ANKFN1: variants seen among roughly 807,000 people sequenced by gnomAD.
ANKFN1 encodes the protein ankyrin repeat and fibronectin type-III domain-containing protein 1.
Under a neutral mutation model 108.7 loss-of-function variants are expected in ANKFN1, and 74 were observed. That is an observed-to-expected ratio of 0.68 (90% CI 0.56 to 0.83). The LOEUF is 0.83. Among genes scored for constraint, ANKFN1 ranks in the 40% least tolerant of loss-of-function variants. The probability of loss-of-function intolerance (pLI) is 0.00; values close to 1 mark genes in which losing one functional copy is unlikely to be tolerated. For missense variants in ANKFN1, 1,505 were observed against 1,382.3 expected (o/e 1.09, Z -1.41); for synonymous variants, 547 against 516.2 (o/e 1.06, Z -0.81).
chr17:56,495,180 C>T (rs2051160492), intron 19 of ANKFN1, among the ~76,000 whole-genome samples: 1 of 152,158 alleles, frequency 6.6e-6, no homozygotes, highest in Non-Finnish European at 1.5e-5. Flanking sequence ...AATATAACTT[C>T]TTGGTCTGGG....
intron 1 of ANKFN1, among the ~76,000 whole-genome samples, chr17:56,202,501 C>T (rs1914150276): frequency 6.6e-6 from 1 of 152,134 alleles, no homozygotes; most frequent in Non-Finnish European, 1.5e-5. Flanking sequence ...CCAGTCTGCC[C>T]CTACTCTCCT....
At chr17:56,345,397 G>A (rs2046070510) in intron 4 of ANKFN1, among the ~76,000 whole-genome samples, 1 of 152,002 alleles carries the variant, frequency 6.6e-6, no homozygotes, top group South Asian at 2.1e-4. Flanking sequence ...TAATCCTTTG[G>A]GTATATATCC....
chr17:56,196,187 T>A (rs554777929), intron 1 of ANKFN1, among the ~76,000 whole-genome samples: 4 of 151,840 alleles, frequency 2.6e-5, no homozygotes, highest in Admixed American at 6.6e-5. Context: ...GCCCAAGAGG[T>A]TGAGGCTGCA....
intron 4 of ANKFN1, among the ~76,000 whole-genome samples, chr17:56,333,162 A>G (rs568431922): frequency 6.6e-6 from 1 of 152,016 alleles, no homozygotes; most frequent in East Asian, 1.9e-4. Context: ...TCTTCGACTT[A>G]TTTTTCTTGC....
At chr17:56,400,578 C>G (rs572889044) in intron 8 of ANKFN1, among the ~76,000 whole-genome samples, 1 of 151,880 alleles carries the variant, frequency 6.6e-6, no homozygotes, top group Non-Finnish European at 1.5e-5. Flanking sequence ...GCAAAAAGCT[C>G]GTGCAAAAGT....
At chr17:56,136,508 G>T (rs1046314050) in intron 4 of ANKFN1, among the ~76,000 whole-genome samples, 1 of 152,188 alleles carries the variant, frequency 6.6e-6, no homozygotes, top group Non-Finnish European at 1.5e-5. Flanking sequence ...AGACAATTCT[G>T]CCCTGATCAA....
At chr17:56,205,391 A>G (rs1336888485) in intron 1 of ANKFN1, among the ~76,000 whole-genome samples, 3 of 152,238 alleles carry the variant, frequency 2.0e-5, no homozygotes, top group African/African-American at 7.2e-5. Context: ...CTAAATATTT[A>G]TAAAAGTTGA....
chr17:56,215,515 G>T (rs1280900710), intron 2 of ANKFN1, among the ~76,000 whole-genome samples: 2 of 152,198 alleles, frequency 1.3e-5, no homozygotes, highest in Non-Finnish European at 2.9e-5. Flanking sequence ...AAGATGGAGG[G>T]GCATGGGCCC....
At chr17:56,402,216 T>C (rs1386974331) in intron 8 of ANKFN1, among the ~76,000 whole-genome samples, 7 of 152,144 alleles carry the variant, frequency 4.6e-5, no homozygotes, top group African/African-American at 1.7e-4. Context: ...ATAGAATGAA[T>C]TGGGGAGAGT....
intron 4 of ANKFN1, among the ~76,000 whole-genome samples, chr17:56,104,481 A>G (rs1231109954): frequency 6.6e-6 from 1 of 152,166 alleles, no homozygotes; most frequent in Non-Finnish European, 1.5e-5. Flanking sequence ...GGGTTTTCTG[A>G]CACCCAGTTC....
intron 1 of ANKFN1, among the ~76,000 whole-genome samples, chr17:56,162,499 G>T (rs908340824): frequency 1.3e-5 from 2 of 152,104 alleles, no homozygotes; most frequent in Non-Finnish European, 2.9e-5. Flanking sequence ...ATTTCCTCTT[G>T]TTATAAGGAC....
intron 3 of ANKFN1, among the ~76,000 whole-genome samples, chr17:56,238,862 G>T (rs1224140193): frequency 1.3e-5 from 2 of 152,084 alleles, no homozygotes; most frequent in Non-Finnish European, 2.9e-5. Flanking sequence ...CATAACACTG[G>T]TCCTTCCTCT....
At chr17:56,195,880 G>GTATA (rs35264339) in intron 1 of ANKFN1, among the ~76,000 whole-genome samples, 2 of 151,888 alleles carry the variant, frequency 1.3e-5, no homozygotes, top group Admixed American at 6.6e-5. Flanking sequence ...CTCAGGCATA[G>GTATA]TATATATATA....
At chr17:56,503,873 GCCCAGTGGGC>G (rs1478779460) in intron 20 of ANKFN1, among the ~76,000 whole-genome samples, 1 of 152,196 alleles carries the variant, frequency 6.6e-6, no homozygotes, top group Non-Finnish European at 1.5e-5. Context: ...GTCCTGGCCT[GCCCAGTGGGC>G]CCTCTCAGGG....
At chr17:56,175,294 TTTTTG>T (rs1050181440) in intron 1 of ANKFN1, among the ~76,000 whole-genome samples, 25 of 152,304 alleles carry the variant, frequency 1.6e-4, no homozygotes, top group Admixed American at 1.0e-3. Context: ...GGTTTGTTTG[TTTTTG>T]TTTTGTTTTG....
At chr17:56,443,043 C>G in intron 10 of ANKFN1, 110 bp downstream of exon 10, 1 of 1,015,130 alleles carries the variant, frequency 9.9e-7, no homozygotes, top group Non-Finnish European at 1.5e-6. Context: ...ACCCATAAGA[C>G]CTTCTCAGGG....
At chr17:56,259,915 C>CACAA (rs1482801411) in intron 3 of ANKFN1, among the ~76,000 whole-genome samples, 3 of 142,916 alleles carry the variant, frequency 2.1e-5, no homozygotes, top group Non-Finnish European at 1.5e-5. Flanking sequence ...TCCAAACACA[C>CACAA]ACACACACAC....
intron 16 of ANKFN1, among the ~76,000 whole-genome samples, chr17:56,479,483 A>G (rs2050621679): frequency 6.6e-6 from 1 of 152,218 alleles, no homozygotes; most frequent in Non-Finnish European, 1.5e-5. Flanking sequence ...CCCAGATTGA[A>G]GTAGGATTTA....
chr17:56,501,429 A>G (rs1204164036), intron 20 of ANKFN1, among the ~76,000 whole-genome samples: 4 of 152,148 alleles, frequency 2.6e-5, no homozygotes, highest in Non-Finnish European at 5.9e-5. Context: ...AACAAAGGAG[A>G]CACCAAGTTT....
Sources: gnomAD v4.1 joint callset for allele counts (sites outside exome capture counted in the v4.1 genomes callset) on GRCh38, gnomAD v4.1.1 for gene constraint, MANE v1.5 for transcripts, NCBI Gene and HGNC (gene_info 2026-07-23, HGNC 2026-07-21) for gene names.